Variants in TMF1 observed in about 807,000 individuals in gnomAD.
TMF1 encodes the protein TATA element modulatory factor.
In TMF1, 71 loss-of-function variants were observed where a neutral mutation model predicts 126.5. That is an observed-to-expected ratio of 0.56 (90% CI 0.46 to 0.68). TMF1 has a LOEUF of 0.68. TMF1 is among the 30% of genes least tolerant of loss of function. The probability of loss-of-function intolerance (pLI) is 0.00; values close to 1 mark genes in which losing one functional copy is unlikely to be tolerated. For synonymous variants in TMF1, 461 were observed against 430.5 expected (o/e 1.07, Z -0.88); for missense variants, 1,259 against 1,253.2 (o/e 1.00, Z -0.07).
intron 13 of TMF1, 102 bp downstream of exon 13, chr3:69,027,798 G>T: frequency 1.6e-6 from 1 of 609,068 alleles, no homozygotes; most frequent in Non-Finnish European, 2.8e-6. Flanking sequence ...CCACAGGTTG[G>T]ACAAGCTTGT....
chr3:69,028,295 C>A lies in TMF1; in HGVS notation c.2595G>T (p.Arg865Ser), dbSNP rs764180739. 1 of 1,605,198 alleles carries A rather than the reference C, an allele frequency of 6.2e-7. No individual in the cohort carries two copies. Among genetic ancestry groups the A allele is most frequent in the Non-Finnish European group, 8.5e-7 (1 of 1,172,872 alleles). The change falls in exon 12 of 17, where the codon AGG becomes AGT. Residue 865 changes from arginine to serine, a missense_variant and splice_region_variant. By Grantham distance (110) the Arg-to-Ser change is moderately radical (BLOSUM62 -1). Transcript: ENST00000398559. ...TTAGGTTTTCCAATTCAACCTGGTA[C>A]CTATTAAACAAGGCAGAATTTAAAA... is the stretch of plus-strand genomic sequence containing the variant. ...RLCKLEDENN[R>S]YQVELENLKD... is the part of the protein sequence containing the mutation.
At chr3:69,046,360 A>T (rs867646227) in intron 2 of TMF1, among the ~76,000 whole-genome samples, 2 of 152,196 alleles carry the variant, frequency 1.3e-5, no homozygotes, top group Non-Finnish European at 2.9e-5. Context: ...TCTTAAATAC[A>T]CTGAAATTCA....
intron 9 of TMF1, 194 bp from the exon 10 acceptor site, chr3:69,033,898 G>T: frequency 1.7e-5 from 8 of 463,224 alleles, no homozygotes; most frequent in Non-Finnish European, 3.0e-5. Flanking sequence ...TGGCACAATC[G>T]TGGCTCACTG....
intron 2 of TMF1, 146 bp from the exon 3 acceptor site, chr3:69,044,741 C>A: frequency 5.8e-6 from 3 of 513,018 alleles, no homozygotes; most frequent in Non-Finnish European, 1.0e-5. Context: ...AGATCCAGAA[C>A]AAGAAGAACT....
intron 15 of TMF1, 25 bp downstream of exon 15, chr3:69,025,535 A>G: frequency 6.3e-7 from 1 of 1,596,078 alleles, no homozygotes; most frequent in South Asian, 1.1e-5. Context: ...ATTTACTTCT[A>G]TAGCAAATTT....
rs751569693 is a variant in TMF1, at chr3:69,048,319, A to ACTT, written c.383_385dup (p.Glu128dup). 3.1e-6 allele frequency: 5 copies of ACTT among 1,613,958 alleles called. No homozygotes were observed. In the Admixed American group the frequency reaches 8.3e-5, roughly 27 times the overall value. On this transcript the variant is annotated inframe_insertion, in exon 2 of 17. Coordinates refer to ENST00000398559, the MANE Select transcript of TMF1 (RefSeq NM_007114.3). ...CAAGGATTCATGTAAGCTGCTTTTC[A>ACTT]CTTCTTCTTCTGGTCGTTGTGATTT...
At position 69,025,694 on chromosome 3, in the gene TMF1, A is replaced by G. The variant is rs773673945; in HGVS notation, c.2878T>C (p.Ser960Pro). 1.1e-5 allele frequency: 17 copies of G among 1,613,530 alleles called. No individual in the cohort carries two copies. The highest frequency in any genetic ancestry group is 1.4e-5 in the Non-Finnish European group (17 of 1,179,832). Residue 960 changes from serine to proline, a missense_variant, in exon 15 of 17, where the codon TCA becomes CCA. Transcript: ENST00000398559. ...FLSQDESHDH[S>P]FGPMPISANG... Reference sequence around the variant, plus strand: ...GCTGATATAGGCATTGGTCCAAATGAGTGATCATGAGACTCATCCTATGTT... The same window carrying G: ...GCTGATATAGGCATTGGTCCAAATGGGTGATCATGAGACTCATCCTATGTT...
chr3:69,039,627 T>C lies in TMF1; in HGVS notation c.1751A>G (p.Lys584Arg). The change falls in exon 6 of 17, where the codon AAG becomes AGG. Residue 584 changes from lysine to arginine, a missense_variant. Lys to Arg is a conservative substitution (Grantham distance 26, BLOSUM62 2). Coordinates refer to ENST00000398559, the MANE Select transcript of TMF1 (RefSeq NM_007114.3). ...CTTTGCAACCATATTTTCATTCTCC[T>C]TGTCTTTAGCTCTTAATTTCTTGAT... ...NIIKKLRAKD[K>R]ENENMVAKLN... 2 of 1,613,824 alleles carry C rather than the reference T, an allele frequency of 1.2e-6. No individual in the cohort carries two copies. Among genetic ancestry groups the C allele is most frequent in the South Asian group, 1.1e-5 (1 of 91,000 alleles).
intron 5 of TMF1, chr3:69,042,497 G>C: frequency 2.0e-6 from 1 of 507,648 alleles, no homozygotes; most frequent in South Asian, 1.6e-5. Flanking sequence ...TACACACTTT[G>C]AATGTCTTGG....
chr3:69,035,794 T>C (rs953676250), intron 8 of TMF1, among the ~76,000 whole-genome samples: 1 of 152,186 alleles, frequency 6.6e-6, no homozygotes, highest in South Asian at 2.1e-4. Context: ...TACTATTAAA[T>C]GGAAAAACTA....
At chr3:69,042,425 G>C in intron 5 of TMF1, 1 of 459,002 alleles carries the variant, frequency 2.2e-6, no homozygotes, top group Admixed American at 2.4e-5. Flanking sequence ...TCAAATGTCA[G>C]AAAAAGACAA....
chr3:69,024,802 C>CTTTTTT (rs71112685), intron 15 of TMF1: 4 of 99,936 alleles, frequency 4.0e-5, no homozygotes, highest in South Asian at 3.8e-4. Context: ...TTTCAAATTT[C>CTTTTTT]TTTTTTTTTT....
At chr3:69,043,972 G>C in intron 3 of TMF1, 96 bp from the exon 4 acceptor site, 1 of 947,982 alleles carries the variant, frequency 1.1e-6, no homozygotes, top group Non-Finnish European at 1.5e-6. Flanking sequence ...ACTTTTCTCT[G>C]ACATATACCT....
intron 2 of TMF1, among the ~76,000 whole-genome samples, chr3:69,045,393 G>A (rs564907503): frequency 5.1e-4 from 77 of 152,154 alleles, no homozygotes; most frequent in Admixed American, 1.6e-3. Flanking sequence ...AGGAGGTGGA[G>A]GTTGCAGTGA....
intron 8 of TMF1, among the ~76,000 whole-genome samples, chr3:69,037,782 G>A (rs1008378132): frequency 7.9e-5 from 12 of 151,730 alleles, no homozygotes; most frequent in Non-Finnish European, 1.3e-4. Context: ...CTCCAGTCTG[G>A]CAAGAGTGAG....
chr3:69,045,575 T>C, intron 2 of TMF1, among the ~76,000 whole-genome samples: 1 of 150,720 alleles, frequency 6.6e-6, no homozygotes, highest in South Asian at 2.1e-4. Flanking sequence ...AGGTCAGGAG[T>C]TCAAGACCAG....
intron 1 of TMF1, chr3:69,048,792 C>T (rs1187697592): frequency 2.5e-6 from 1 of 403,164 alleles, no homozygotes; most frequent in East Asian, 4.1e-5. Context: ...AGGAGGAGCA[C>T]AGACAAAAGA....
At position 69,039,606 on chromosome 3, in the gene TMF1, G is replaced by T; in HGVS notation, c.1772C>A (p.Ala591Glu). 6.2e-7 allele frequency: 1 copy of T among 1,613,372 alleles called. No individual in the cohort carries two copies. Among genetic ancestry groups the T allele is most frequent in the South Asian group, 1.1e-5 (1 of 90,980 alleles). The change falls in exon 6 of 17, where the codon GCA becomes GAA. Residue 591 changes from alanine to glutamate, a missense_variant. Transcript: ENST00000398559. ...CTCTTTAACTTTTTTGTTCAGCTTTGCAACCATATTTTCATTCTCCTTGTC... is the reference window on the plus strand; with the variant it reads ...CTCTTTAACTTTTTTGTTCAGCTTTTCAACCATATTTTCATTCTCCTTGTC... Reference protein sequence around the residue: ...AKDKENENMVAKLNKKVKELE... With the variant: ...AKDKENENMVEKLNKKVKELE...
chr3:69,042,890 T>C lies in TMF1; in HGVS notation c.1601A>G (p.Glu534Gly). The part of the protein sequence containing the change: ...AKKEIKNIKE[E>G]LATRLNSSET... Reference sequence around the variant, plus strand: ...ACTACTATTTAATCTAGTGGCAAGTTCTTCTTTTATGTTTTTGATTTCCTA... The same window carrying C: ...ACTACTATTTAATCTAGTGGCAAGTCCTTCTTTTATGTTTTTGATTTCCTA... The change falls in exon 5 of 17, where the codon GAA becomes GGA. Residue 534 changes from glutamate (E) to glycine (G), a missense_variant. By Grantham distance (98) the Glu-to-Gly change is moderately conservative. Coordinates refer to ENST00000398559, the MANE Select transcript of TMF1 (RefSeq NM_007114.3). The C allele has an allele frequency of 6.2e-7, 1 of 1,612,482 alleles. No homozygotes were observed. Among genetic ancestry groups the C allele is most frequent in the Non-Finnish European group, 8.5e-7 (1 of 1,179,060 alleles).
Sources: gnomAD v4.1 joint callset for allele counts (sites outside exome capture counted in the v4.1 genomes callset) on GRCh38, gnomAD v4.1.1 for gene constraint, MANE v1.5 for transcripts, NCBI Gene and HGNC (gene_info 2026-07-23, HGNC 2026-07-21) for gene names.